The following UBE2D3 variants were observed in gnomAD, a reference collection of about 807,000 sequenced individuals.
UBE2D3 encodes the protein ubiquitin conjugating enzyme E2 D3.
UBE2D3 carries 2 observed loss-of-function variants against 22.8 expected under a neutral mutation model. The ratio of observed to expected loss-of-function variants is 0.09; its 90% CI spans 0.04 to 0.28. The LOEUF is 0.28. Among genes scored for constraint, UBE2D3 ranks in the 10% least tolerant of loss-of-function variants. The pLI is 1.00. For synonymous variants in UBE2D3, 56 were observed against 60.4 expected, an observed-to-expected ratio of 0.93 and a Z score of 0.34; for missense variants, 27 against 182.5, an observed-to-expected ratio of 0.15 and a Z score of 4.91.
intron 2 of UBE2D3, chr4:102,811,229 C>T (rs1365723927): frequency 6.6e-6 from 1 of 152,314 alleles, no homozygotes; most frequent in African/African-American, 2.4e-5. Context: ...GCCTGGGGTC[C>T]TAGCTACTCA....
intron 2 of UBE2D3, among the ~76,000 whole-genome samples, chr4:102,817,929 G>C (rs1456915695): frequency 6.6e-6 from 1 of 152,094 alleles, no homozygotes. Context: ...AGTTTCACAG[G>C]CTTCAGGGAC....
At chr4:102,825,784 AGG>A (rs1282265125) in intron 2 of UBE2D3, 1 of 461,320 alleles carries the variant, frequency 2.2e-6, no homozygotes, top group Non-Finnish European at 4.3e-6. Context: ...CAAAAGGAAA[AGG>A]GAGCTTCCAG....
At chr4:102,864,763 C>T (rs900291256) in intron 1 of UBE2D3, among the ~76,000 whole-genome samples, 2 of 152,142 alleles carry the variant, frequency 1.3e-5, no homozygotes, top group Non-Finnish European at 2.9e-5. Context: ...GGAAGCTTAT[C>T]TTGCTAGATA....
chr4:102,848,136 TTTATAA>T (rs1732143760), intron 1 of UBE2D3, among the ~76,000 whole-genome samples: 2 of 152,206 alleles, frequency 1.3e-5, no homozygotes, highest in African/African-American at 4.8e-5. Flanking sequence ...ATCTATAATC[TTTATAA>T]TTACTATGGT....
At chr4:102,861,637 T>C (rs542035932) in intron 1 of UBE2D3, among the ~76,000 whole-genome samples, 1 of 152,140 alleles carries the variant, frequency 6.6e-6, no homozygotes, top group African/African-American at 2.4e-5. Context: ...ATTTTATTAT[T>C]TAATGACTAT....
rs1238502991 is a variant in UBE2D3, at chr4:102,795,540, T to A, written c.*1875A>T. The stretch of plus-strand genomic sequence containing the variant: ...TTAAGCAAAACACAAAATGAAAAAA[T>A]TCACTCATTGGAAAAACTGCGTAGC... On this transcript the variant is annotated 3_prime_UTR_variant, in exon 8 of 8. Coordinates refer to ENST00000453744, the MANE Select transcript of UBE2D3 (RefSeq NM_181891.3). 1 of 151,948 alleles carries A rather than the reference T, an allele frequency of 6.6e-6. No individual in the cohort carries two copies. The highest frequency in any genetic ancestry group is 1.5e-5 in the Non-Finnish European group (1 of 67,908). The allele number at this position is 151,948 out of a possible 1,614,324, so 9.4% of individuals were successfully genotyped here.
chr4:102,801,908 T>TA (rs1309555756), intron 5 of UBE2D3: 1 of 171,404 alleles, frequency 5.8e-6, no homozygotes, highest in African/African-American at 2.4e-5. Flanking sequence ...CCATCTCATT[T>TA]AAAGTTTCAT....
chr4:102,827,743 T>G, upstream of UBE2D3: 2 of 985,472 alleles, frequency 2.0e-6, no homozygotes, highest in African/African-American at 3.5e-5. Flanking sequence ...ACCTTCTTAC[T>G]AAACAGATCG....
At chr4:102,842,975 T>C (rs1203800267) in intron 1 of UBE2D3, among the ~76,000 whole-genome samples, 1 of 144,828 alleles carries the variant, frequency 6.9e-6, no homozygotes, top group Non-Finnish European at 1.5e-5. Context: ...CTGGAAGTGG[T>C]GGTGCATGCT....
chr4:102,823,307 TC>T (rs1427558739), intron 2 of UBE2D3, among the ~76,000 whole-genome samples: 1 of 152,202 alleles, frequency 6.6e-6, no homozygotes, highest in Non-Finnish European at 1.5e-5. Context: ...TGGGTCATCT[TC>T]TTAACCTCTA....
chr4:102,799,728 C>T (rs1725828957), intron 6 of UBE2D3, among the ~76,000 whole-genome samples: 1 of 150,412 alleles, frequency 6.6e-6, no homozygotes, highest in African/African-American at 2.5e-5. Flanking sequence ...TGCAGACTAG[C>T]CATAAAAATA....
At chr4:102,804,336 A>T (rs1278393550) in intron 4 of UBE2D3, among the ~76,000 whole-genome samples, 1 of 151,754 alleles carries the variant, frequency 6.6e-6, no homozygotes, top group Non-Finnish European at 1.5e-5. Context: ...CTAATTTTTT[A>T]TTTTTAGTAG....
chr4:102,849,735 C>T (rs1732244490), intron 1 of UBE2D3, among the ~76,000 whole-genome samples: 1 of 152,196 alleles, frequency 6.6e-6, no homozygotes, highest in Admixed American at 6.5e-5. Flanking sequence ...GATACCACTA[C>T]ATTCGCATCA....
chr4:102,826,611 A>C lies in UBE2D3; in HGVS notation c.-103T>G. 1.3e-6 allele frequency: 2 copies of C among 1,594,064 alleles called. No homozygotes were observed. The highest frequency in any genetic ancestry group is 2.2e-5 in the South Asian group (2 of 90,718). ...CGGCGGGGCAGGATTGTCTCGTCTC[A>C]CACCAGCTCTGCCAGACACAGGCGC... is the stretch of plus-strand genomic sequence containing the variant. On this transcript the variant is annotated 5_prime_UTR_variant, in exon 2 of 8. Coordinates refer to ENST00000453744, the MANE Select transcript of UBE2D3 (RefSeq NM_181891.3).
intron 1 of UBE2D3, among the ~76,000 whole-genome samples, chr4:102,839,687 A>G (rs1241602402): frequency 6.6e-6 from 1 of 152,260 alleles, no homozygotes; most frequent in African/African-American, 2.4e-5. Context: ...ACCTGAAGCT[A>G]TAAAACTACT....
intron 6 of UBE2D3, among the ~76,000 whole-genome samples, chr4:102,799,839 G>C (rs116184226): frequency 6.9e-6 from 1 of 144,956 alleles, no homozygotes; most frequent in East Asian, 2.1e-4. Context: ...GGCTGGGGGG[G>C]GGGGGACTTT....
chr4:102,860,803 C>A (rs939371211), intron 1 of UBE2D3, among the ~76,000 whole-genome samples: 3 of 151,814 alleles, frequency 2.0e-5, no homozygotes, highest in Admixed American at 2.0e-4. Context: ...ACACTATCTG[C>A]AGGGGAGGTT....
intron 7 of UBE2D3, among the ~76,000 whole-genome samples, chr4:102,799,196 A>C (rs888447835): frequency 1.3e-5 from 2 of 152,050 alleles, no homozygotes; most frequent in South Asian, 2.1e-4. Context: ...GAAAAAAAAA[A>C]CAACAATAAA....
chr4:102,802,052 T>C lies in UBE2D3; in HGVS notation c.199-493A>G, dbSNP rs1726236669. 2.6e-5 allele frequency: 4 copies of C among 154,912 alleles called. No individual in the cohort carries two copies. In the South Asian group the frequency reaches 8.0e-4, roughly 31 times the overall value. 9.6% of individuals were successfully genotyped at this position (154,912 alleles called of 1,614,324 possible). The stretch of plus-strand genomic sequence containing the variant: ...GTTATAGTGACATGTTTATGACCTT[T>C]GTATATTACCTTTTCTAGTTATTCA... On this transcript the variant is annotated intron_variant, in intron 5 of 7. Transcript: ENST00000453744.
Sources: allele counts gnomAD v4.1 joint callset (sites outside exome capture counted in the v4.1 genomes callset), GRCh38; gene constraint gnomAD v4.1.1; transcripts MANE v1.5; gene names NCBI Gene and HGNC (gene_info 2026-07-23, HGNC 2026-07-21).